The following PDXDC1 variants were observed in gnomAD, a reference collection of about 807,000 sequenced individuals.
PDXDC1 encodes the protein pyridoxal-dependent decarboxylase domain-containing protein 1.
PDXDC1 carries 42 observed loss-of-function variants against 100.1 expected under a neutral mutation model. The ratio of observed to expected loss-of-function variants is 0.42; its 90% CI spans 0.33 to 0.54. PDXDC1 has a LOEUF of 0.54. Ranked by LOEUF, PDXDC1 falls within the 20% of genes least tolerant of loss-of-function variation. The pLI is 0.10. For synonymous variants in PDXDC1, 260 were observed against 371.7 expected (o/e 0.70, Z 3.46); for missense variants, 636 against 979.2 (o/e 0.65, Z 4.68).
the PDXDC1 span, among the ~76,000 whole-genome samples, chr16:15,152,015 G>T: frequency 6.7e-6 from 1 of 148,994 alleles, no homozygotes; most frequent in African/African-American, 2.4e-5. Context: ...GGGGTGGGGG[G>T]TCTGTGAGTC....
chr16:14,980,971 A>G (rs539941525), intron 1 of PDXDC1, among the ~76,000 whole-genome samples: 1 of 152,402 alleles, frequency 6.6e-6, no homozygotes, highest in East Asian at 1.9e-4. Context: ...ACAGAGACAC[A>G]AGGTGAGTAA....
At chr16:14,984,325 T>C (rs1329472227) in intron 1 of PDXDC1, among the ~76,000 whole-genome samples, 1 of 150,606 alleles carries the variant, frequency 6.6e-6, no homozygotes, top group African/African-American at 2.4e-5. Context: ...CTTTTTTTTT[T>C]TTTTTTTTTT....
intron 16 of PDXDC1, chr16:15,047,954 T>C (rs1260236061): frequency 6.2e-7 from 1 of 1,602,294 alleles, no homozygotes; most frequent in East Asian, 2.2e-5. Flanking sequence ...AAATATCCAA[T>C]AGCCTTTTGG....
At chr16:14,984,186 A>G (rs1463868089) in intron 1 of PDXDC1, among the ~76,000 whole-genome samples, 2 of 35,816 alleles carry the variant, frequency 5.6e-5, no homozygotes, top group Non-Finnish European at 1.2e-4. Flanking sequence ...CTACCCACCC[A>G]CCCCAAAAAA....
Position 15,106,582 on chromosome 16 carries a change from T to C in PDXDC1, c.1400-32297T>C, listed in dbSNP as rs543319003. Among the ~76,000 whole-genome samples, 344 of 150,094 alleles carry C rather than the reference T, an allele frequency of 2.3e-3. 7 individuals are homozygous for C. The highest frequency in any genetic ancestry group is 6.6e-3 in the African/African-American group (272 of 41,348). Reference sequence around the variant, plus strand: ...CATCCTGGCTAATACAGTGAAACCCTGTCTCTACTAAAAATACAAAAAATT... The same window carrying C: ...CATCCTGGCTAATACAGTGAAACCCCGTCTCTACTAAAAATACAAAAAATT... On this transcript the variant is annotated intron_variant, in intron 16 of 16. Transcript: ENST00000535621.
At chr16:15,090,439 T>C (rs1037140318) in intron 16 of PDXDC1, among the ~76,000 whole-genome samples, 2 of 152,222 alleles carry the variant, frequency 1.3e-5, no homozygotes, top group African/African-American at 2.4e-5. Context: ...AGTATTTCCA[T>C]GTTTAAAGCC....
At chr16:14,987,992 C>CTTT (rs58211541) in intron 1 of PDXDC1, among the ~76,000 whole-genome samples, 2 of 134,580 alleles carry the variant, frequency 1.5e-5, no homozygotes, top group East Asian at 2.3e-4. Flanking sequence ...TTATACAATT[C>CTTT]TTTTTTTTTT....
intron 16 of PDXDC1, among the ~76,000 whole-genome samples, chr16:15,081,564 T>A (rs1260238000): frequency 1.3e-5 from 2 of 152,208 alleles, no homozygotes; most frequent in African/African-American, 4.8e-5. Context: ...TAAGAGTTCT[T>A]TACATATACA....
At chr16:15,070,996 G>A (rs2045201100) in intron 16 of PDXDC1, 1 of 748,334 alleles carries the variant, frequency 1.3e-6, no homozygotes, top group East Asian at 2.6e-5. Flanking sequence ...ATCTTGCACA[G>A]AGTAGGGATT....
intron 16 of PDXDC1, among the ~76,000 whole-genome samples, chr16:15,069,600 A>G (rs1367973022): frequency 2.6e-5 from 4 of 152,206 alleles, no homozygotes; most frequent in Non-Finnish European, 4.4e-5. Flanking sequence ...AGGGTCAGCC[A>G]AACCTGGCTT....
chr16:15,146,091 C>T, the PDXDC1 span, among the ~76,000 whole-genome samples: 7 of 152,112 alleles, frequency 4.6e-5, no homozygotes, highest in African/African-American at 1.7e-4. Flanking sequence ...GCGGGACCCA[C>T]ATTTGGCAGC....
intron 16 of PDXDC1, among the ~76,000 whole-genome samples, chr16:15,068,432 C>T (rs1169793964): frequency 6.6e-6 from 1 of 152,150 alleles, no homozygotes; most frequent in African/African-American, 2.4e-5. Flanking sequence ...GATAGTCACA[C>T]AGTATATGGC....
chr16:15,125,992 C>T (rs910033867), intron 16 of PDXDC1: 6 of 598,528 alleles, frequency 1.0e-5, no homozygotes, highest in Admixed American at 2.9e-5. Flanking sequence ...TGCCACTGAA[C>T]ACTTGACAGC....
Position 15,133,626 on chromosome 16 carries a change from C to T in PDXDC1, c.1400-5253C>T, listed in dbSNP as rs369263677. On this transcript the variant is annotated intron_variant, in intron 16 of 16. Transcript: ENST00000535621. ...CTGCCCTTGTAGACACAGAACTCCT[C>T]GCAGTGGCCCTGGCGACAGCGCTGC... is the stretch of plus-strand genomic sequence containing the variant. The T allele has an allele frequency of 2.4e-4, 311 of 1,286,564 alleles. No individual in the cohort carries two copies. In the East Asian group the frequency reaches 4.5e-3, roughly 19 times the overall value. The allele number at this position is 1,286,564 out of a possible 1,614,324, so 79.7% of individuals were successfully genotyped here.
chr16:15,021,402 A>G (rs1040399363), intron 12 of PDXDC1, among the ~76,000 whole-genome samples: 11 of 152,278 alleles, frequency 7.2e-5, no homozygotes, highest in Non-Finnish European at 1.5e-4. Context: ...AAAAAGAAAA[A>G]AAGATTGATG....
intron 3 of PDXDC1, among the ~76,000 whole-genome samples, chr16:15,000,265 A>C (rs1275127230): frequency 1.3e-5 from 2 of 152,296 alleles, no homozygotes; most frequent in Non-Finnish European, 1.5e-5. Flanking sequence ...GAGTGCTACC[A>C]CCCAGCATTC....
intron 16 of PDXDC1, among the ~76,000 whole-genome samples, chr16:15,077,113 G>A (rs1397831477): frequency 1.3e-5 from 2 of 151,628 alleles, no homozygotes; most frequent in Non-Finnish European, 2.9e-5. Flanking sequence ...CCGAGTAGCT[G>A]GGATTACAGT....
chr16:15,024,826 C>T (rs2042466063), intron 13 of PDXDC1, among the ~76,000 whole-genome samples: 1 of 152,308 alleles, frequency 6.6e-6, no homozygotes, highest in African/African-American at 2.4e-5. Context: ...CACCGTCAGA[C>T]ATCACTCCAT....
intron 16 of PDXDC1, chr16:15,076,456 T>C (rs1404452975): frequency 1.2e-6 from 1 of 859,062 alleles, no homozygotes; most frequent in East Asian, 2.5e-5. Flanking sequence ...GCTGAACTAT[T>C]TTAATTCTTT....
Sources: allele counts gnomAD v4.1 joint callset (sites outside exome capture counted in the v4.1 genomes callset), GRCh38; gene constraint gnomAD v4.1.1; transcripts MANE v1.5; gene names NCBI Gene and HGNC (gene_info 2026-07-23, HGNC 2026-07-21).